Variants in ADAM12 observed in about 807,000 individuals in gnomAD.
The protein encoded by ADAM12 is ADAM metallopeptidase domain 12.
Under a neutral mutation model 106.4 loss-of-function variants are expected in ADAM12, and 70 were observed. That is an observed-to-expected ratio of 0.66 (90% CI 0.54 to 0.80). ADAM12 has a LOEUF of 0.80. Among genes scored for constraint, ADAM12 ranks in the 30% least tolerant of loss-of-function variants. The pLI, the probability that ADAM12 is intolerant of heterozygous loss-of-function variation, is 0.00. For missense variants in ADAM12, 1,010 were observed against 1,171.9 expected, an observed-to-expected ratio of 0.86 and a Z score of 2.02; for synonymous variants, 420 against 433.5, an observed-to-expected ratio of 0.97 and a Z score of 0.39.
chr10:126,328,891 C>T (rs1319368084), intron 2 of ADAM12, among the ~76,000 whole-genome samples: 1 of 152,098 alleles, frequency 6.6e-6, no homozygotes, highest in African/African-American at 2.4e-5. Context: ...GTAAGCTTGG[C>T]CAGCAGTAGA....
At chr10:126,030,842 A>G (rs1761542383) in intron 21 of ADAM12, among the ~76,000 whole-genome samples, 1 of 152,220 alleles carries the variant, frequency 6.6e-6, no homozygotes, top group South Asian at 2.1e-4. Flanking sequence ...TACAGGGGGA[A>G]TGGACTCATT....
chr10:126,344,983 A>G (rs890213659), intron 1 of ADAM12, among the ~76,000 whole-genome samples: 5 of 152,040 alleles, frequency 3.3e-5, no homozygotes, highest in African/African-American at 1.2e-4. Flanking sequence ...GGACAATTTG[A>G]CTCCCTCTTT....
intron 4 of ADAM12, among the ~76,000 whole-genome samples, chr10:126,148,311 TGA>T (rs770253199): frequency 2.6e-5 from 4 of 152,234 alleles, no homozygotes; most frequent in Non-Finnish European, 4.4e-5. Context: ...TGTGCTGACT[TGA>T]GCAGAAGAGG....
chr10:126,234,539 C>G (rs1030665986), intron 3 of ADAM12, among the ~76,000 whole-genome samples: 2 of 152,214 alleles, frequency 1.3e-5, no homozygotes, highest in African/African-American at 4.8e-5. Flanking sequence ...TTCCCATGTG[C>G]CTGCTCTGCC....
At chr10:126,311,442 CCT>C (rs746719400) in intron 2 of ADAM12, among the ~76,000 whole-genome samples, 8 of 152,124 alleles carry the variant, frequency 5.3e-5, no homozygotes, top group Admixed American at 2.6e-4. Flanking sequence ...GTCTCTGCCC[CCT>C]GTTCCTGGAA....
intron 1 of ADAM12, among the ~76,000 whole-genome samples, chr10:126,349,784 T>A (rs993462824): frequency 5.3e-5 from 8 of 152,202 alleles, no homozygotes; most frequent in Non-Finnish European, 1.5e-5. Flanking sequence ...CGACACCAGA[T>A]CTATCAGATC....
chr10:126,262,188 A>G (rs1007030248), intron 3 of ADAM12, among the ~76,000 whole-genome samples: 1 of 152,158 alleles, frequency 6.6e-6, no homozygotes, highest in Non-Finnish European at 1.5e-5. Flanking sequence ...TAGTATATGT[A>G]GAGTATGTAC....
Position 126,086,651 on chromosome 10 carries a change from C to CAAA in ADAM12, c.1145+7331_1145+7333dup, listed in dbSNP as rs1171936921. Among the ~76,000 whole-genome samples, 25 of 16,894 alleles carry CAAA rather than the reference C, an allele frequency of 1.5e-3. 1 individual carries two copies. The highest frequency in any genetic ancestry group is 2.7e-3 in the East Asian group (1 of 370). The allele number at this position is 16,894 out of a possible 152,430, so 11.1% of individuals were successfully genotyped here. Reference sequence around the variant, plus strand: ...GAGATGGCCCCAATGGACTCTGCCTCAAAAAAAAAAAAAAAAAAAAAAAAA... The same window carrying CAAA: ...GAGATGGCCCCAATGGACTCTGCCTCAAAAAAAAAAAAAAAAAAAAAAAAAAAA... On this transcript the variant is annotated intron_variant, in intron 11 of 22. Coordinates refer to ENST00000448723, the MANE Select transcript of ADAM12 (RefSeq NM_001288973.2).
At chr10:126,050,063 C>A (rs998733872) in intron 14 of ADAM12, among the ~76,000 whole-genome samples, 2 of 152,072 alleles carry the variant, frequency 1.3e-5, no homozygotes, top group African/African-American at 4.8e-5. Flanking sequence ...CTCTCTTTAA[C>A]AACATCCCAC....
rs371306260 is a variant in ADAM12, at chr10:126,060,104, G to A, written c.1609+4702C>T. The stretch of plus-strand genomic sequence containing the variant: ...ATACTCTCAGCCAACGAGAACGTAC[G>A]TTATCAACAACAAAAACAATTAGAA... On this transcript the variant is annotated intron_variant, in intron 14 of 22. Coordinates refer to ENST00000448723, the MANE Select transcript of ADAM12 (RefSeq NM_001288973.2). Among the ~76,000 whole-genome samples, 10 of 152,258 alleles carry A rather than the reference G, an allele frequency of 6.6e-5. No individual in the cohort carries two copies. In the East Asian group the frequency reaches 1.7e-3, roughly 26 times the overall value.
intron 1 of ADAM12, among the ~76,000 whole-genome samples, chr10:126,361,018 T>C (rs982910482): frequency 1.1e-4 from 16 of 152,158 alleles, no homozygotes; most frequent in Non-Finnish European, 2.4e-4. Context: ...GAAACTCCCA[T>C]TTTTAAAAGC....
intron 3 of ADAM12, among the ~76,000 whole-genome samples, chr10:126,201,484 G>A (rs1044086818): frequency 3.3e-5 from 5 of 152,138 alleles, no homozygotes; most frequent in Non-Finnish European, 5.9e-5. Flanking sequence ...GCGAGGAAGG[G>A]TTCCTCCCAG....
intron 2 of ADAM12, among the ~76,000 whole-genome samples, chr10:126,284,269 G>T (rs1959733114): frequency 1.4e-5 from 2 of 144,140 alleles, no homozygotes; most frequent in South Asian, 4.5e-4. Context: ...GGAGGCAGAG[G>T]TTGCAGTGAG....
intron 1 of ADAM12, among the ~76,000 whole-genome samples, chr10:126,348,258 G>A (rs772748323): frequency 1.3e-5 from 2 of 152,138 alleles, no homozygotes; most frequent in Non-Finnish European, 1.5e-5. Context: ...TAAAGAAGAC[G>A]GAAAGGGATA....
chr10:126,280,511 A>C (rs1033171842), intron 2 of ADAM12, among the ~76,000 whole-genome samples: 1 of 152,226 alleles, frequency 6.6e-6, no homozygotes, highest in Non-Finnish European at 1.5e-5. Context: ...GCACAGATAT[A>C]GAGCATTTCT....
Position 126,339,847 on chromosome 10 carries a change from C to CTTTTTTT in ADAM12, c.89-9345_89-9339dup, listed in dbSNP as rs146232567. Among the ~76,000 whole-genome samples, 11 of 75,680 alleles carry CTTTTTTT rather than the reference C, an allele frequency of 1.5e-4. 1 individual carries two copies. Among genetic ancestry groups the CTTTTTTT allele is most frequent in the Non-Finnish European group, 1.9e-4 (8 of 42,702 alleles). 49.6% of individuals were successfully genotyped at this position (75,680 alleles called of 152,430 possible). A position where few individuals can be genotyped will look rare whatever the true frequency, so the allele number is the denominator to read the frequency against. ...AGTGAAGTGGGAAGCCATTCTAGGGCTTTTTTTTTTTTTTTTTTTTTTTTT... is the reference window on the plus strand; with the variant it reads ...AGTGAAGTGGGAAGCCATTCTAGGGCTTTTTTTTTTTTTTTTTTTTTTTTTTTTTTTT... On this transcript the variant is annotated intron_variant, in intron 1 of 22. Transcript: ENST00000448723.
intron 2 of ADAM12, among the ~76,000 whole-genome samples, chr10:126,305,406 G>A (rs1342568955): frequency 2.0e-5 from 3 of 152,016 alleles, no homozygotes; most frequent in African/African-American, 4.8e-5. Flanking sequence ...GTTTCTAGAA[G>A]AGAGAAATCT....
chr10:126,309,976 T>C (rs1296112955), intron 2 of ADAM12, among the ~76,000 whole-genome samples: 1 of 151,910 alleles, frequency 6.6e-6, no homozygotes, highest in East Asian at 1.9e-4. Flanking sequence ...CGGGCCAACA[T>C]GGTGAAACCC....
At chr10:126,358,745 C>T (rs1272696641) in intron 1 of ADAM12, among the ~76,000 whole-genome samples, 1 of 151,992 alleles carries the variant, frequency 6.6e-6, no homozygotes, top group East Asian at 1.9e-4. Flanking sequence ...TTAAAAAATT[C>T]TAAAGATTCT....
Sources: allele counts gnomAD v4.1 joint callset (sites outside exome capture counted in the v4.1 genomes callset), GRCh38; gene constraint gnomAD v4.1.1; transcripts MANE v1.5; gene names NCBI Gene and HGNC (gene_info 2026-07-23, HGNC 2026-07-21).